Variants in CDC42BPA observed in about 807,000 individuals in gnomAD.
The protein encoded by CDC42BPA is serine/threonine-protein kinase MRCK alpha.
CDC42BPA carries 80 observed loss-of-function variants against 223.5 expected under a neutral mutation model. That is an observed-to-expected ratio of 0.36 (90% confidence interval 0.30 to 0.43). The LOEUF (loss-of-function observed/expected upper bound fraction) is 0.43. Ranked by LOEUF, CDC42BPA falls within the 20% of genes least tolerant of loss-of-function variation. The pLI, the probability that CDC42BPA is intolerant of heterozygous loss-of-function variation, is 1.00. For missense variants in CDC42BPA, 1,743 were observed against 2,099.9 expected (o/e 0.83, Z 3.32); for synonymous variants, 694 against 718.6 (o/e 0.97, Z 0.55).
chr1:227,171,312 T>C (rs1290827761), intron 5 of CDC42BPA, among the ~76,000 whole-genome samples: 1 of 152,244 alleles, frequency 6.6e-6, no homozygotes. Context: ...TTTAAAATAA[T>C]AGTTTTAAAA....
At chr1:227,276,279 C>T (rs1244521213) in intron 1 of CDC42BPA, among the ~76,000 whole-genome samples, 1 of 150,810 alleles carries the variant, frequency 6.6e-6, no homozygotes. Context: ...TGAGGAGCGT[C>T]TCTGCCCGAC....
At chr1:227,134,572 A>G (rs997880294) in intron 10 of CDC42BPA, among the ~76,000 whole-genome samples, 2 of 152,196 alleles carry the variant, frequency 1.3e-5, no homozygotes, top group Non-Finnish European at 2.9e-5. Flanking sequence ...ACAGAATGCA[A>G]ACATAACAAG....
At chr1:227,004,924 C>A (rs769698411) in intron 35 of CDC42BPA, 70 bp downstream of exon 35, 1 of 1,016,614 alleles carries the variant, frequency 9.8e-7, no homozygotes, top group Non-Finnish European at 1.6e-6. Context: ...ATGTCACCCA[C>A]GGGACAGGAG....
chr1:227,187,672 ACCC>A (rs150262459), intron 5 of CDC42BPA, among the ~76,000 whole-genome samples: 1 of 39,566 alleles, frequency 2.5e-5, no homozygotes, highest in Non-Finnish European at 4.4e-5. Flanking sequence ...GATAAATGGC[ACCC>A]CCCACCCCCC....
At chr1:227,268,411 T>C (rs895401699) in intron 1 of CDC42BPA, among the ~76,000 whole-genome samples, 6 of 151,898 alleles carry the variant, frequency 4.0e-5, no homozygotes, top group African/African-American at 1.5e-4. Flanking sequence ...AATTTATTAG[T>C]TTTGATATCT....
At chr1:227,051,812 G>A (rs1673575222) in intron 22 of CDC42BPA, 69 bp downstream of exon 22, 2 of 870,154 alleles carry the variant, frequency 2.3e-6, no homozygotes, top group African/African-American at 1.7e-5. Flanking sequence ...AGACAGACTT[G>A]TTTTATTCAA....
chr1:227,030,342 A>C, intron 29 of CDC42BPA, 66 bp downstream of exon 29: 1 of 935,876 alleles, frequency 1.1e-6, no homozygotes, highest in Non-Finnish European at 1.7e-6. Context: ...TAGAATTTAG[A>C]ATCTACAGTT....
chr1:227,189,541 A>T (rs1328645293), intron 5 of CDC42BPA, among the ~76,000 whole-genome samples: 3 of 152,184 alleles, frequency 2.0e-5, no homozygotes, highest in Admixed American at 6.5e-5. Flanking sequence ...CAGAGTAAAC[A>T]TTATTTATTA....
Position 227,028,821 on chromosome 1 carries a change from G to A in CDC42BPA, c.4268C>T (p.Thr1423Ile). 6 of 1,614,090 alleles carry A rather than the reference G, an allele frequency of 3.7e-6. No individual in the cohort carries two copies. Among genetic ancestry groups the A allele is most frequent in the Non-Finnish European group, 5.1e-6 (6 of 1,179,966 alleles). Reference sequence around the variant, plus strand: ...TGGTTGATGTGCAATAAATGATAGTGTATGGTCATTTGAATGGAGCATACT... The same window carrying A: ...TGGTTGATGTGCAATAAATGATAGTATATGGTCATTTGAATGGAGCATACT... Reference protein sequence around the residue: ...PYSMLHSNDHTLSFIAHQPMD... With the variant: ...PYSMLHSNDHILSFIAHQPMD... Residue 1423 changes from threonine to isoleucine, a missense_variant, in exon 30 of 37, where the codon ACA (threonine) becomes ATA (isoleucine). Physicochemically the swap from Thr to Ile is moderately conservative, Grantham distance 89. Around this residue, in one of 6 missense-constraint regions of CDC42BPA, gnomAD observed 678 missense variants for 777.5 expected, o/e 0.87. Transcript: ENST00000366766.
At chr1:227,175,859 C>T (rs1558679563) in intron 5 of CDC42BPA, among the ~76,000 whole-genome samples, 2 of 152,142 alleles carry the variant, frequency 1.3e-5, no homozygotes, top group African/African-American at 4.8e-5. Context: ...AGTAGGAAAT[C>T]GTATGTGAGG....
chr1:227,131,974 G>C (rs1198740196), intron 10 of CDC42BPA, among the ~76,000 whole-genome samples: 1 of 152,164 alleles, frequency 6.6e-6, no homozygotes, highest in Non-Finnish European at 1.5e-5. Context: ...GTCAGTTGTT[G>C]ACACAGCACA....
At chr1:227,034,612 C>T in intron 26 of CDC42BPA, 43 bp downstream of exon 26, 1 of 1,526,356 alleles carries the variant, frequency 6.6e-7, no homozygotes, top group South Asian at 1.2e-5. Context: ...TTTAAAATTC[C>T]TATGTTGCAA....
chr1:227,034,871 ATGG>A, intron 25 of CDC42BPA, 77 bp from the exon 26 acceptor site: 2 of 1,343,638 alleles, frequency 1.5e-6, no homozygotes, highest in South Asian at 1.4e-5. Flanking sequence ...ATGTAATTGC[ATGG>A]TGAAGACCTA....
intron 21 of CDC42BPA, among the ~76,000 whole-genome samples, chr1:227,058,223 G>A (rs1230931516): frequency 1.3e-5 from 2 of 152,088 alleles, no homozygotes; most frequent in East Asian, 1.9e-4. Context: ...CATAGTACAG[G>A]TATCTGAAAT....
intron 21 of CDC42BPA, among the ~76,000 whole-genome samples, chr1:227,054,029 C>A (rs1674065532): frequency 6.6e-6 from 1 of 152,136 alleles, no homozygotes; most frequent in Non-Finnish European, 1.5e-5. Context: ...TTAAAACTGA[C>A]TGAAATGTCA....
intron 14 of CDC42BPA, among the ~76,000 whole-genome samples, chr1:227,107,296 T>C (rs1252394855): frequency 6.6e-6 from 1 of 152,254 alleles, no homozygotes; most frequent in East Asian, 1.9e-4. Context: ...GATGCAATTG[T>C]TAAGTGGAAT....
intron 2 of CDC42BPA, among the ~76,000 whole-genome samples, chr1:227,241,585 T>G (rs1260953788): frequency 1.3e-5 from 2 of 152,182 alleles, no homozygotes; most frequent in Non-Finnish European, 2.9e-5. Context: ...GAGTACATAC[T>G]GTATAATTCC....
intron 4 of CDC42BPA, among the ~76,000 whole-genome samples, chr1:227,196,566 C>G (rs1213770505): frequency 1.3e-5 from 2 of 152,082 alleles, no homozygotes; most frequent in African/African-American, 4.8e-5. Flanking sequence ...GTCTCGATCT[C>G]CTGACCTCAT....
chr1:227,095,638 C>A (rs1381331459), intron 15 of CDC42BPA, among the ~76,000 whole-genome samples: 1 of 145,114 alleles, frequency 6.9e-6, no homozygotes, highest in South Asian at 2.2e-4. Context: ...GTATCCCAGG[C>A]TGGAGTGCAG....
Sources: allele counts gnomAD v4.1 joint callset (sites outside exome capture counted in the v4.1 genomes callset), GRCh38; gene constraint gnomAD v4.1.1; regional missense constraint gnomAD v4.1.1; transcripts MANE v1.5; gene names NCBI Gene and HGNC (gene_info 2026-07-23, HGNC 2026-07-21).